Variants in UNC13C observed in about 807,000 individuals in gnomAD.
UNC13C encodes unc-13 homolog C, also known as protein unc-13 homolog C.
In UNC13C, 174 loss-of-function variants were observed where a neutral mutation model predicts 245.4. The ratio of observed to expected loss-of-function variants is 0.71; its 90% CI spans 0.63 to 0.80. The LOEUF (loss-of-function observed/expected upper bound fraction) is 0.80, where lower values mean the gene tolerates loss of function less well. Among genes scored for constraint, UNC13C ranks in the 30% least tolerant of loss-of-function variants. The probability of loss-of-function intolerance (pLI) is 0.00; values close to 1 mark genes in which losing one functional copy is unlikely to be tolerated. For missense variants in UNC13C, 2,829 were observed against 2,602.9 expected, an observed-to-expected ratio of 1.09 and a Z score of -1.89; for synonymous variants, 992 against 895.1, an observed-to-expected ratio of 1.11 and a Z score of -1.93.
the UNC13C span, among the ~76,000 whole-genome samples, chr15:53,866,712 A>G: frequency 3.3e-5 from 5 of 152,224 alleles, no homozygotes; most frequent in Admixed American, 3.3e-4. Context: ...CAAAGCATAG[A>G]TAAATTAGTT....
chr15:54,273,898 T>C (rs1479021772), intron 10 of UNC13C, among the ~76,000 whole-genome samples: 2 of 152,206 alleles, frequency 1.3e-5, no homozygotes, highest in Admixed American at 6.5e-5. Flanking sequence ...CAGATCCCTG[T>C]TGACTCAGAT....
At chr15:54,608,404 G>GGTAT (rs1899892264) in intron 30 of UNC13C, among the ~76,000 whole-genome samples, 1 of 152,162 alleles carries the variant, frequency 6.6e-6, no homozygotes, top group Non-Finnish European at 1.5e-5. Flanking sequence ...CCAGAGCACA[G>GGTAT]GTATGTGGTA....
At chr15:54,422,982 C>CACAA (rs1555462323) in intron 19 of UNC13C, among the ~76,000 whole-genome samples, 4 of 140,240 alleles carry the variant, frequency 2.9e-5, no homozygotes, top group East Asian at 2.2e-4. Flanking sequence ...CACACACACA[C>CACAA]AACGAAAAAA....
chr15:53,893,486 G>C, the UNC13C span, among the ~76,000 whole-genome samples: 2 of 152,228 alleles, frequency 1.3e-5, no homozygotes, highest in African/African-American at 4.8e-5. Flanking sequence ...TCTGTTCCAG[G>C]GAGATGGGGG....
intron 4 of UNC13C, among the ~76,000 whole-genome samples, chr15:54,172,733 T>TAA (rs2033459081): frequency 4.8e-5 from 5 of 104,078 alleles, no homozygotes; most frequent in African/African-American, 2.3e-4. Context: ...TATATATATA[T>TAA]ATATATATAT....
chr15:54,393,114 C>A lies in UNC13C; in HGVS notation c.4780C>A (p.Gln1594Lys). ...CACCAAGAATTTGGATTTTTGGCCC[C>A]AACTTATTACACTGATGGTTACTAT... ...PTTKNLDFWPQLITLMVTIID... is the reference protein window; with the variant it reads ...PTTKNLDFWPKLITLMVTIID... Residue 1594 changes from glutamine to lysine, a missense_variant, in exon 18 of 33, where the codon CAA becomes AAA. Gln to Lys is a moderately conservative substitution (Grantham distance 53, BLOSUM62 1). Coordinates refer to ENST00000260323, the MANE Select transcript of UNC13C (RefSeq NM_001080534.3). 1 of 1,610,346 alleles carries A rather than the reference C, an allele frequency of 6.2e-7. No individual in the cohort carries two copies. The highest frequency in any genetic ancestry group is 8.5e-7 in the Non-Finnish European group (1 of 1,178,268).
intron 4 of UNC13C, among the ~76,000 whole-genome samples, chr15:54,213,426 A>C (rs2034947211): frequency 6.6e-6 from 1 of 152,010 alleles, no homozygotes; most frequent in Non-Finnish European, 1.5e-5. Context: ...CAGCTTTAGC[A>C]CAATTTTTAA....
intron 17 of UNC13C, among the ~76,000 whole-genome samples, chr15:54,367,523 A>G (rs908390246): frequency 6.6e-6 from 1 of 152,174 alleles, no homozygotes; most frequent in Non-Finnish European, 1.5e-5. Flanking sequence ...TTCATCTGTG[A>G]GAATCACTTT....
chr15:54,263,499 C>T (rs2036477930), intron 8 of UNC13C, among the ~76,000 whole-genome samples: 1 of 151,928 alleles, frequency 6.6e-6, no homozygotes, highest in South Asian at 2.1e-4. Context: ...AAAGTTGAGA[C>T]CAGTCATGAA....
intron 2 of UNC13C, among the ~76,000 whole-genome samples, chr15:54,108,337 C>A (rs144017805): frequency 0.021 from 3,265 of 152,184 alleles, 100 homozygotes; most frequent in African/African-American, 0.071. Context: ...CAGGCGCCCG[C>A]CACCACGCCT....
intron 2 of UNC13C, among the ~76,000 whole-genome samples, chr15:54,086,978 C>G (rs1337933373): frequency 1.3e-5 from 2 of 151,970 alleles, no homozygotes; most frequent in East Asian, 3.9e-4. Context: ...TCATGATCCA[C>G]CCACCTCAGC....
intron 20 of UNC13C, among the ~76,000 whole-genome samples, chr15:54,498,071 G>T (rs1747134193): frequency 6.6e-6 from 1 of 151,994 alleles, no homozygotes; most frequent in South Asian, 2.1e-4. Context: ...TAAGAACAAA[G>T]AAGTTTGAAA....
intron 10 of UNC13C, among the ~76,000 whole-genome samples, chr15:54,284,152 C>A (rs1028711161): frequency 6.6e-5 from 10 of 152,040 alleles, no homozygotes; most frequent in African/African-American, 2.4e-4. Context: ...GAACACATAT[C>A]GCCACTTAAA....
chr15:54,234,998 A>T (rs779543336), intron 4 of UNC13C, 32 bp from the exon 5 acceptor site: 3 of 1,572,260 alleles, frequency 1.9e-6, no homozygotes, highest in Non-Finnish European at 2.6e-6. Context: ...CATTTTACCC[A>T]TTGCAATTAT....
At chr15:54,496,316 GAA>G (rs948086468) in intron 20 of UNC13C, among the ~76,000 whole-genome samples, 2 of 152,002 alleles carry the variant, frequency 1.3e-5, no homozygotes, top group Non-Finnish European at 2.9e-5. Flanking sequence ...ATGTGGGAGA[GAA>G]ATTTTGAAGA....
chr15:54,223,511 G>A (rs546288156), intron 4 of UNC13C, among the ~76,000 whole-genome samples: 1 of 152,000 alleles, frequency 6.6e-6, no homozygotes, highest in African/African-American at 2.4e-5. Context: ...AGAATAATTG[G>A]AAGTCAGATA....
At chr15:54,444,682 T>G (rs1890708843) in intron 19 of UNC13C, among the ~76,000 whole-genome samples, 1 of 151,976 alleles carries the variant, frequency 6.6e-6, no homozygotes, top group Non-Finnish European at 1.5e-5. Context: ...TTTCTCTTCC[T>G]AATTTTTTTG....
chr15:53,854,475 G>A, the UNC13C span, among the ~76,000 whole-genome samples: 1 of 152,042 alleles, frequency 6.6e-6, no homozygotes. Flanking sequence ...TTTTATATAT[G>A]GTGTAAGGAA....
the UNC13C span, among the ~76,000 whole-genome samples, chr15:53,901,432 G>T: frequency 6.6e-6 from 1 of 151,374 alleles, no homozygotes. Context: ...CACTGTGTTA[G>T]CCAGGATGGT....
Sources: gnomAD v4.1 joint callset for allele counts (sites outside exome capture counted in the v4.1 genomes callset) on GRCh38, gnomAD v4.1.1 for gene constraint, MANE v1.5 for transcripts, NCBI Gene and HGNC (gene_info 2026-07-23, HGNC 2026-07-21) for gene names.